The following GAPVD1 variants were observed in gnomAD, a reference collection of about 807,000 sequenced individuals.
The protein encoded by GAPVD1 is GTPase-activating protein and VPS9 domain-containing protein 1.
Under a neutral mutation model 155.5 loss-of-function variants are expected in GAPVD1, and 35 were observed. That is an observed-to-expected ratio of 0.23 (90% CI 0.17 to 0.30). The LOEUF (loss-of-function observed/expected upper bound fraction) is 0.30. Ranked by LOEUF, GAPVD1 falls within the 10% of genes least tolerant of loss-of-function variation. The pLI is 1.00. For missense variants in GAPVD1, 1,429 were observed against 1,775.7 expected (o/e 0.80, Z 3.51); for synonymous variants, 636 against 619.7 (o/e 1.03, Z -0.39).
At chr9:125,273,925 T>G (rs1835319730) in intron 2 of GAPVD1, among the ~76,000 whole-genome samples, 1 of 151,962 alleles carries the variant, frequency 6.6e-6, no homozygotes, top group Non-Finnish European at 1.5e-5. Context: ...AGAGCTCTTT[T>G]CTTTTTTTTA....
intron 15 of GAPVD1, chr9:125,335,042 C>T (rs915181266): frequency 2.5e-5 from 13 of 521,978 alleles, no homozygotes; most frequent in Non-Finnish European, 3.8e-5. Flanking sequence ...CAAATTCTAC[C>T]TTGTAGCTAT....
At chr9:125,267,089 A>G (rs1045929981) in intron 1 of GAPVD1, among the ~76,000 whole-genome samples, 1 of 152,108 alleles carries the variant, frequency 6.6e-6, no homozygotes, top group African/African-American at 2.4e-5. Flanking sequence ...ACTTCTAAAT[A>G]TTGTTTTTGC....
chr9:125,293,922 T>C (rs1367859505), intron 2 of GAPVD1, among the ~76,000 whole-genome samples: 1 of 130,894 alleles, frequency 7.6e-6, no homozygotes, highest in Non-Finnish European at 1.6e-5. Context: ...GTTTCTGTTT[T>C]TGTTTTTTTG....
At chr9:125,264,857 T>A (rs570521671) in intron 1 of GAPVD1, among the ~76,000 whole-genome samples, 2 of 151,522 alleles carry the variant, frequency 1.3e-5, no homozygotes, top group East Asian at 3.9e-4. Flanking sequence ...TAGCTGGGAC[T>A]ACAGGTGCTG....
At chr9:125,339,712 A>G (rs10986712) in intron 17 of GAPVD1, among the ~76,000 whole-genome samples, 2,080 of 152,326 alleles carry the variant, frequency 0.014, 103 homozygotes, top group East Asian at 0.087. Context: ...TTCTAGTCCA[A>G]ACACAACAGA....
chr9:125,307,425 G>T lies in GAPVD1; in HGVS notation c.1129G>T (p.Ala377Ser), dbSNP rs373955222. The T allele has an allele frequency of 3.7e-6, 6 of 1,603,228 alleles. No individual in the cohort carries two copies. Among genetic ancestry groups the T allele is most frequent in the Non-Finnish European group, 5.1e-6 (6 of 1,176,112 alleles). Residue 377 changes from alanine to serine, a missense_variant, in exon 7 of 28, where the codon GCT becomes TCT. Physicochemically the swap from Ala to Ser is moderately conservative, Grantham distance 99 (BLOSUM62 1). Transcript: ENST00000297933. Reference protein sequence around the residue: ...LGKFDKSCVAAFLDVVIGGRA... With the variant: ...LGKFDKSCVASFLDVVIGGRA... ...CCTGTTTTAACAGAGCTGTGTTGCC[G>T]CTTTCCTTGATGTTGTGATTGGGGG...
intron 9 of GAPVD1, among the ~76,000 whole-genome samples, chr9:125,318,518 T>G (rs925612537): frequency 6.6e-6 from 1 of 152,232 alleles, no homozygotes; most frequent in Admixed American, 6.5e-5. Flanking sequence ...TATAATCCCT[T>G]TTCTGTTAAT....
chr9:125,359,537 C>T (rs372158179), intron 26 of GAPVD1, 45 bp downstream of exon 26: 36 of 922,500 alleles, frequency 3.9e-5, no homozygotes, highest in African/African-American at 1.3e-4. Flanking sequence ...CTAAATGCTG[C>T]GTGTTATTAT....
At chr9:125,334,059 T>A (rs1371302902) in intron 15 of GAPVD1, among the ~76,000 whole-genome samples, 2 of 152,182 alleles carry the variant, frequency 1.3e-5, no homozygotes, top group African/African-American at 2.4e-5. Context: ...ACCAGCAGTC[T>A]CAAAGCATGG....
At chr9:125,324,504 G>T (rs1300673132) in intron 11 of GAPVD1, among the ~76,000 whole-genome samples, 1 of 152,056 alleles carries the variant, frequency 6.6e-6, no homozygotes, top group Non-Finnish European at 1.5e-5. Context: ...CAGGAGAATC[G>T]CTTGAACCCA....
chr9:125,300,048 T>A (rs1249580706), intron 4 of GAPVD1, among the ~76,000 whole-genome samples: 2,898 of 4,612 alleles, frequency 0.63, 1,044 homozygotes, highest in East Asian at 0.68. Context: ...AATATATATA[T>A]ATATATATAT....
At position 125,332,009 on chromosome 9, in the gene GAPVD1, G is replaced by A. The variant is rs1281275436; in HGVS notation, c.2257G>A (p.Val753Ile). The A allele has an allele frequency of 5.0e-6, 8 of 1,613,944 alleles. No homozygotes were observed. The East Asian group carries it at 8.9e-5, about 18-fold the overall frequency. ...GLGSTSDDTD[V>I]REVSSRPSTP... is the part of the protein sequence containing the mutation. ...GGGTAGCACATCTGATGATACGGAT[G>A]TCAGGGAGGTCAGTTCCCGCCCCAG... Residue 753 changes from valine (V) to isoleucine (I), a missense_variant, in exon 14 of 28, where the codon GTC becomes ATC. Around this residue, in one of 4 missense-constraint regions of GAPVD1, gnomAD observed 699 missense variants for 826.0 expected, o/e 0.85. Transcript: ENST00000297933.
chr9:125,351,452 A>G (rs1241204060), intron 23 of GAPVD1, among the ~76,000 whole-genome samples: 1 of 152,236 alleles, frequency 6.6e-6, no homozygotes, highest in African/African-American at 2.4e-5. Context: ...TTAACTCAAA[A>G]GTCCACAGTC....
At position 125,362,617 on chromosome 9, in the gene GAPVD1, C is replaced by T; in HGVS notation, c.4254C>T (p.Pro1418=). Residue 1418 remains proline, a synonymous_variant, in exon 28 of 28, where the codon CCC becomes CCT. Transcript: ENST00000297933. The part of the protein sequence containing the change: ...LVFVLIKANP[P]CLLSTVQYIS... ...TTTCACTTCTCTAGGCAAATCCACC[C>T]TGTTTGCTGTCTACTGTGCAGTATA... 2 of 1,602,802 alleles carry T rather than the reference C, an allele frequency of 1.2e-6. No homozygotes were observed. The highest frequency in any genetic ancestry group is 2.3e-5 in the South Asian group (2 of 88,360).
chr9:125,293,853 T>C (rs1166674388), intron 2 of GAPVD1, among the ~76,000 whole-genome samples: 1 of 2,386 alleles, frequency 4.2e-4, no homozygotes, highest in Non-Finnish European at 7.2e-4. Flanking sequence ...AAATATATTT[T>C]ATATATATAT....
intron 3 of GAPVD1, among the ~76,000 whole-genome samples, chr9:125,297,290 T>C (rs558083007): frequency 6.6e-6 from 1 of 152,320 alleles, no homozygotes; most frequent in East Asian, 1.9e-4. Context: ...GGCCCTGCTG[T>C]CACTTACCTT....
At chr9:125,279,293 G>A (rs1327615758) in intron 2 of GAPVD1, among the ~76,000 whole-genome samples, 3 of 151,608 alleles carry the variant, frequency 2.0e-5, no homozygotes, top group Non-Finnish European at 4.4e-5. Context: ...GAGGAAGGCC[G>A]GCCGCAATGG....
At chr9:125,268,637 C>A (rs755071146) in intron 1 of GAPVD1, among the ~76,000 whole-genome samples, 4 of 151,606 alleles carry the variant, frequency 2.6e-5, no homozygotes, top group Non-Finnish European at 5.9e-5. Context: ...GTAGCTGGGA[C>A]CACAGGCACA....
intron 1 of GAPVD1, among the ~76,000 whole-genome samples, chr9:125,267,636 T>TGA (rs1554744435): frequency 5.3e-5 from 8 of 152,226 alleles, no homozygotes; most frequent in African/African-American, 1.9e-4. Context: ...CTTGAACTCC[T>TGA]GACCTCAGGT....
Sources: gnomAD v4.1 joint callset for allele counts (sites outside exome capture counted in the v4.1 genomes callset) on GRCh38, gnomAD v4.1.1 for gene constraint, gnomAD v4.1.1 regional missense constraint, MANE v1.5 for transcripts, NCBI Gene and HGNC (gene_info 2026-07-23, HGNC 2026-07-21) for gene names.